Variants in CA10 observed in about 807,000 individuals in gnomAD.
CA10 encodes carbonic anhydrase 10 (inactive).
Under a neutral mutation model 44.2 loss-of-function variants are expected in CA10, and 14 were observed. The observed-to-expected ratio is 0.32, with a 90% CI of 0.21 to 0.50. The LOEUF is 0.50. Among genes scored for constraint, CA10 ranks in the 20% least tolerant of loss-of-function variants. The probability of loss-of-function intolerance (pLI) is 0.99; values close to 1 mark genes in which losing one functional copy is unlikely to be tolerated. For synonymous variants in CA10, 159 were observed against 141.6 expected (o/e 1.12, Z -0.87); for missense variants, 350 against 409.7 (o/e 0.85, Z 1.26).
At chr17:51,940,703 A>G (rs898787768) in intron 2 of CA10, among the ~76,000 whole-genome samples, 9 of 150,878 alleles carry the variant, frequency 6.0e-5, no homozygotes, top group African/African-American at 1.9e-4. Context: ...ACACCCTGGC[A>G]AGTGGTGAGG....
At chr17:52,104,870 T>C (rs1440912589) in intron 1 of CA10, among the ~76,000 whole-genome samples, 1 of 152,204 alleles carries the variant, frequency 6.6e-6, no homozygotes, top group Non-Finnish European at 1.5e-5. Flanking sequence ...TTTCTCCCAG[T>C]AGGTTAGATA....
chr17:51,854,537 G>A (rs980773542), intron 3 of CA10, among the ~76,000 whole-genome samples: 1 of 152,186 alleles, frequency 6.6e-6, no homozygotes, highest in Non-Finnish European at 1.5e-5. Context: ...CTTGGATGAA[G>A]AGATGAGATG....
intron 3 of CA10, among the ~76,000 whole-genome samples, chr17:51,901,285 G>T (rs1351409538): frequency 6.6e-6 from 1 of 152,106 alleles, no homozygotes; most frequent in Non-Finnish European, 1.5e-5. Flanking sequence ...AGGGGGCAAA[G>T]GCTCAGCTTA....
chr17:52,157,535 C>G lies in CA10; in HGVS notation c.61+191G>C, dbSNP rs571011522. ...CTGCACACAGATCCTAACCACCCCC[C>G]CCCGCAAAACACACACATTCACACA... On this transcript the variant is annotated intron_variant, in intron 1 of 8. Transcript: ENST00000451037. Among the ~76,000 whole-genome samples the G allele has an allele frequency of 8.9e-5, 13 of 145,744 alleles. No individual in the cohort carries two copies. In the East Asian group the frequency reaches 2.5e-3, roughly 28 times the overall value.
chr17:51,989,538 A>G (rs1009344404), intron 2 of CA10, among the ~76,000 whole-genome samples: 50 of 152,234 alleles, frequency 3.3e-4, no homozygotes, highest in Non-Finnish European at 2.2e-4. Flanking sequence ...GATAGCCAAG[A>G]CATGAAATCA....
At chr17:51,689,116 C>G (rs1915103512) in intron 4 of CA10, among the ~76,000 whole-genome samples, 1 of 152,206 alleles carries the variant, frequency 6.6e-6, no homozygotes, top group South Asian at 2.1e-4. Flanking sequence ...AGGGAGCACC[C>G]TATGGACAGA....
intron 3 of CA10, among the ~76,000 whole-genome samples, chr17:51,840,504 CACA>C: frequency 1.3e-5 from 2 of 151,902 alleles, no homozygotes; most frequent in South Asian, 4.2e-4. Context: ...CACACACACA[CACA>C]CACACACACG....
chr17:51,814,837 T>C (rs951455364), intron 3 of CA10, among the ~76,000 whole-genome samples: 1 of 152,160 alleles, frequency 6.6e-6, no homozygotes, highest in Admixed American at 6.5e-5. Context: ...CCAACCCCCA[T>C]TAAATTCCAC....
At chr17:51,838,447 C>G (rs1978294523) in intron 3 of CA10, among the ~76,000 whole-genome samples, 1 of 152,218 alleles carries the variant, frequency 6.6e-6, no homozygotes, top group African/African-American at 2.4e-5. Flanking sequence ...GTTCTTAGGA[C>G]TGCTGTAGCT....
In CA10 at chr17:51,631,497, A is replaced by T; in HGVS notation, c.*87T>A. ...AATGAGGCTTGGGGGAAAGAAGGAGAGAGAAGCAAGAAGGGGGACATTCTA... is the reference window on the plus strand; with the variant it reads ...AATGAGGCTTGGGGGAAAGAAGGAGTGAGAAGCAAGAAGGGGGACATTCTA... On this transcript the variant is annotated 3_prime_UTR_variant, in exon 9 of 9. Coordinates refer to ENST00000451037, the MANE Select transcript of CA10 (RefSeq NM_020178.5). 2 of 1,208,852 alleles carry T rather than the reference A, an allele frequency of 1.7e-6. No individual in the cohort carries two copies. The highest frequency in any genetic ancestry group is 2.5e-6 in the Non-Finnish European group (2 of 815,086). 74.9% of individuals were successfully genotyped at this position (1,208,852 alleles called of 1,614,324 possible).
intron 3 of CA10, among the ~76,000 whole-genome samples, chr17:51,907,770 GC>G (rs1598111506): frequency 6.6e-6 from 1 of 152,136 alleles, no homozygotes; most frequent in East Asian, 1.9e-4. Flanking sequence ...GTCAGCTTCA[GC>G]CTTTGTTGAG....
At chr17:52,134,810 G>A (rs1989316305) in intron 1 of CA10, 1 of 513,088 alleles carries the variant, frequency 1.9e-6, no homozygotes, top group African/African-American at 1.9e-5. Flanking sequence ...CTGTGCCCTG[G>A]CACCATGGAT....
At chr17:51,859,044 GTTAA>G in intron 3 of CA10, among the ~76,000 whole-genome samples, 1 of 151,276 alleles carries the variant, frequency 6.6e-6, no homozygotes, top group East Asian at 1.9e-4. Context: ...CCCAATGTTA[GTTAA>G]TTATTAATTA....
chr17:51,689,584 A>C (rs1184533251), intron 4 of CA10, among the ~76,000 whole-genome samples: 1 of 152,232 alleles, frequency 6.6e-6, no homozygotes, highest in Non-Finnish European at 1.5e-5. Flanking sequence ...ATGCCACAGA[A>C]GGAAGAACAT....
chr17:51,758,472 C>T (rs1215913090), intron 3 of CA10, among the ~76,000 whole-genome samples: 1 of 152,194 alleles, frequency 6.6e-6, no homozygotes, highest in East Asian at 1.9e-4. Flanking sequence ...TTTCCTCCAT[C>T]CAACCCAAGG....
At chr17:52,143,434 C>T (rs1989522266) in intron 1 of CA10, among the ~76,000 whole-genome samples, 1 of 152,012 alleles carries the variant, frequency 6.6e-6, no homozygotes, top group Non-Finnish European at 1.5e-5. Flanking sequence ...TCTGTTTTTT[C>T]TCTTTTTTCC....
At chr17:51,992,233 C>A (rs1045506287) in intron 2 of CA10, among the ~76,000 whole-genome samples, 1 of 151,968 alleles carries the variant, frequency 6.6e-6, no homozygotes, top group Non-Finnish European at 1.5e-5. Context: ...GTTACAATAC[C>A]CCTCTTAAAG....
At chr17:51,711,988 A>G (rs1915957370) in intron 4 of CA10, among the ~76,000 whole-genome samples, 1 of 149,938 alleles carries the variant, frequency 6.7e-6, no homozygotes, top group Non-Finnish European at 1.5e-5. Context: ...GGAGGTCTAC[A>G]TGACTGGACC....
At chr17:51,796,522 T>C (rs1906716791) in intron 3 of CA10, among the ~76,000 whole-genome samples, 1 of 152,182 alleles carries the variant, frequency 6.6e-6, no homozygotes, top group Non-Finnish European at 1.5e-5. Flanking sequence ...AACAGATTAG[T>C]AGACCTATTA....
Sources: gnomAD v4.1 joint callset for allele counts (sites outside exome capture counted in the v4.1 genomes callset) on GRCh38, gnomAD v4.1.1 for gene constraint, MANE v1.5 for transcripts, NCBI Gene and HGNC (gene_info 2026-07-23, HGNC 2026-07-21) for gene names.